SYN2: variants seen among roughly 807,000 people sequenced by gnomAD.
SYN2 encodes the protein synapsin II.
A neutral mutation model predicts 50.9 loss-of-function variants in SYN2; 19 were observed. The ratio of observed to expected loss-of-function variants is 0.37; its 90% CI spans 0.26 to 0.55. The LOEUF is 0.55. Ranked by LOEUF, SYN2 falls within the 20% of genes least tolerant of loss-of-function variation. The pLI is 0.81. For synonymous variants in SYN2, 255 were observed against 224.9 expected, an observed-to-expected ratio of 1.13 and a Z score of -1.20; for missense variants, 587 against 576.4, an observed-to-expected ratio of 1.02 and a Z score of -0.19.
chr3:12,187,704 G>A (rs1223564211), intron 12 of SYN2, 92 bp downstream of exon 12: 4 of 1,435,420 alleles, frequency 2.8e-6, no homozygotes, highest in Admixed American at 2.9e-5. Flanking sequence ...CCTTCAATCA[G>A]GTCTCCTCCT....
intron 1 of SYN2, among the ~76,000 whole-genome samples, chr3:12,139,459 CAG>C (rs1443986574): frequency 2.6e-5 from 4 of 152,176 alleles, no homozygotes; most frequent in African/African-American, 9.7e-5. Context: ...GCAGTGGTCT[CAG>C]AGTGCCACAG....
chr3:12,010,124 AGAAGACTCTTG>A (rs1230145322), intron 1 of SYN2, among the ~76,000 whole-genome samples: 1 of 152,156 alleles, frequency 6.6e-6, no homozygotes, highest in Non-Finnish European at 1.5e-5. Context: ...AAATGGTTGA[AGAAGACTCTTG>A]GAGACCTAGT....
chr3:12,190,742 CTCTGCTCTGT>C lies in SYN2; in HGVS notation c.*119_*128del. The stretch of plus-strand genomic sequence containing the variant: ...TGACCTTGACGTGTGTGGTCCCTTC[CTCTGCTCTGT>C]TGTACTAAGTGATGTTGTGCAGCCC... On this transcript the variant is annotated 3_prime_UTR_variant, in exon 13 of 13. Transcript: ENST00000621198. 2.0e-6 allele frequency: 3 copies of C among 1,482,272 alleles called. No homozygotes were observed. Among genetic ancestry groups the C allele is most frequent in the Non-Finnish European group, 2.7e-6 (3 of 1,120,100 alleles). The allele number at this position is 1,482,272 out of a possible 1,614,324, so 91.8% of individuals were successfully genotyped here.
chr3:12,071,160 C>T (rs1450856093), intron 1 of SYN2: 17 of 553,404 alleles, frequency 3.1e-5, no homozygotes, highest in Middle Eastern at 3.1e-4. Flanking sequence ...TGTACCCGGG[C>T]ATCACCAACA....
At chr3:12,139,216 C>G (rs1696963174) in intron 1 of SYN2, among the ~76,000 whole-genome samples, 2 of 152,026 alleles carry the variant, frequency 1.3e-5, no homozygotes, top group South Asian at 4.2e-4. Context: ...TGTTCCAGAA[C>G]CCATAGAGAA....
At chr3:12,184,206 CTA>C (rs1478894023) in intron 11 of SYN2, 1 of 985,600 alleles carries the variant, frequency 1.0e-6, no homozygotes, top group Non-Finnish European at 1.2e-6. Flanking sequence ...AACTAATTAA[CTA>C]TGAGATTTTT....
chr3:12,175,499 G>T (rs1463401267), intron 10 of SYN2, among the ~76,000 whole-genome samples: 1 of 152,222 alleles, frequency 6.6e-6, no homozygotes, highest in Non-Finnish European at 1.5e-5. Flanking sequence ...GGCTGTGGAA[G>T]CTCAGGCTGA....
chr3:12,048,881 C>T (rs1421124419), intron 1 of SYN2, among the ~76,000 whole-genome samples: 2 of 152,046 alleles, frequency 1.3e-5, no homozygotes, highest in African/African-American at 2.4e-5. Flanking sequence ...TTGCAGCAGT[C>T]GGTAGTGACT....
Position 12,187,427 on chromosome 3 carries a change from G to A in SYN2, c.1428G>A (p.Arg476=). ...CAGGCAAGGTGCTGCCTCCACGCCG[G>A]CTCCCCCCTGGACCATCACTGCCAC... ...QPPGKVLPPR[R]LPPGPSLPPS... The change falls in exon 12 of 13, where the codon CGG becomes CGA. Residue 476 remains arginine (R), a synonymous_variant. Transcript: ENST00000621198. 6.4e-7 allele frequency: 1 copy of A among 1,552,050 alleles called. No individual in the cohort carries two copies. The highest frequency in any genetic ancestry group is 8.7e-7 in the Non-Finnish European group (1 of 1,146,996).
At position 12,187,475 on chromosome 3, in the gene SYN2, TTCC is replaced by T. The variant is rs1171584966; in HGVS notation, c.1485_1487del (p.Ser496del). Reference sequence around the variant, plus strand: ...CACCTTCCTCCTCTTCCTCCTCTTCTTCCTCCTCCTCGGCTCCTCAGCGGCCGG... The same window carrying T: ...CACCTTCCTCCTCTTCCTCCTCTTCTTCCTCCTCGGCTCCTCAGCGGCCGG... On this transcript the variant is annotated inframe_deletion, in exon 12 of 13. Transcript: ENST00000621198. 3 of 1,550,688 alleles carry T rather than the reference TTCC, an allele frequency of 1.9e-6. No homozygotes were observed. Among genetic ancestry groups the T allele is most frequent in the East Asian group, 2.4e-5 (1 of 41,158 alleles).
intron 1 of SYN2, among the ~76,000 whole-genome samples, chr3:12,134,305 T>TA (rs899214236): frequency 1.2e-4 from 18 of 152,192 alleles, no homozygotes; most frequent in Non-Finnish European, 2.4e-4. Flanking sequence ...TGAAAAGTTG[T>TA]AAAAAATCAT....
Position 12,004,860 on chromosome 3 carries a change from C to A in SYN2, c.309C>A (p.Pro103=), listed in dbSNP as rs750403300. 3.6e-6 allele frequency: 2 copies of A among 559,368 alleles called. No individual in the cohort carries two copies. Among genetic ancestry groups the A allele is most frequent in the Non-Finnish European group, 6.4e-6 (2 of 314,528 alleles). The allele number at this position is 559,368 out of a possible 1,614,324, so 34.7% of individuals were successfully genotyped here. The part of the protein sequence containing the change: ...TAASAGLVDA[P]APAPAAARKA... ...CCTCGGCTGGCCTGGTGGACGCGCC[C>A]GCTCCCGCGCCCGCAGCCGCCAGGA... is the stretch of plus-strand genomic sequence containing the variant. The change falls in exon 1 of 13, where the codon CCC becomes CCA. Residue 103 remains proline (P), a synonymous_variant. Transcript: ENST00000621198.
At position 12,191,176 on chromosome 3, in the gene SYN2, G is replaced by A. The variant is rs755644755; in HGVS notation, c.*551G>A. 10 of 985,244 alleles carry A rather than the reference G, an allele frequency of 1.0e-5. No homozygotes were observed. The highest frequency in any genetic ancestry group is 6.1e-5 in the Admixed American group (1 of 16,264). 61.0% of individuals were successfully genotyped at this position (985,244 alleles called of 1,614,324 possible). A position where few individuals can be genotyped will look rare whatever the true frequency, so the allele number is the denominator to read the frequency against. ...ACTTACAAGATCTTAGGCTGCTGTG[G>A]TGGTGAAGCACCTTGAGTCTGCTGA... On this transcript the variant is annotated 3_prime_UTR_variant, in exon 13 of 13. Transcript: ENST00000621198.
intron 1 of SYN2, among the ~76,000 whole-genome samples, chr3:12,042,111 G>A (rs968239453): frequency 1.3e-5 from 2 of 152,152 alleles, no homozygotes; most frequent in Non-Finnish European, 2.9e-5. Context: ...CTTGGAACAT[G>A]TTTGCTTCTC....
chr3:12,186,247 C>T (rs1698340165), intron 11 of SYN2, among the ~76,000 whole-genome samples: 1 of 152,132 alleles, frequency 6.6e-6, no homozygotes, highest in African/African-American at 2.4e-5. Context: ...AGAGACTGGA[C>T]CTCCCAGGGC....
chr3:12,153,448 C>T, intron 5 of SYN2: 2 of 1,582,606 alleles, frequency 1.3e-6, no homozygotes, highest in Non-Finnish European at 1.7e-6. Flanking sequence ...GGCCAAAGCT[C>T]TGCAGGGAAG....
chr3:12,076,675 G>A (rs1695474324), intron 1 of SYN2, among the ~76,000 whole-genome samples: 1 of 152,018 alleles, frequency 6.6e-6, no homozygotes, highest in Non-Finnish European at 1.5e-5. Context: ...CAGCAATTCT[G>A]TTAGGTAAGT....
intron 11 of SYN2, chr3:12,183,713 A>G: frequency 8.1e-7 from 1 of 1,235,114 alleles, no homozygotes; most frequent in Non-Finnish European, 1.0e-6. Context: ...TGCCTCTCCC[A>G]AGTCCAGTGT....
intron 1 of SYN2, among the ~76,000 whole-genome samples, chr3:12,033,585 T>G (rs1264619688): frequency 1.3e-5 from 2 of 152,194 alleles, no homozygotes; most frequent in African/African-American, 4.8e-5. Flanking sequence ...TTTTAGTATA[T>G]TCACAAGATT....
Sources: gnomAD v4.1 joint callset for allele counts (sites outside exome capture counted in the v4.1 genomes callset) on GRCh38, gnomAD v4.1.1 for gene constraint, MANE v1.5 for transcripts, NCBI Gene and HGNC (gene_info 2026-07-23, HGNC 2026-07-21) for gene names.